PTPRG: variants seen among roughly 807,000 people sequenced by gnomAD.
PTPRG encodes the protein protein tyrosine phosphatase receptor type G.
Under a neutral mutation model 165.3 loss-of-function variants are expected in PTPRG, and 102 were observed. The ratio of observed to expected loss-of-function variants is 0.62; its 90% confidence interval spans 0.53 to 0.73. The LOEUF is 0.73. Among genes scored for constraint, PTPRG ranks in the 30% least tolerant of loss-of-function variants. The pLI, the probability that PTPRG is intolerant of heterozygous loss-of-function variation, is 0.00. For synonymous variants in PTPRG, 675 were observed against 669.5 expected, an observed-to-expected ratio of 1.01 and a Z score of -0.13; for missense variants, 1,866 against 1,861.4, an observed-to-expected ratio of 1.00 and a Z score of -0.05.
intron 2 of PTPRG, among the ~76,000 whole-genome samples, chr3:61,795,882 ATATCTTTGGGTGGATAGTGCATCAC>A (rs1411080091): frequency 6.6e-6 from 1 of 152,120 alleles, no homozygotes; most frequent in Non-Finnish European, 1.5e-5. Context: ...GAGTGTAATC[ATATCTTTGGGTGGATAGTGCATCAC>A]TACCTTTGCC....
chr3:62,029,261 C>G (rs1699684445), intron 4 of PTPRG, among the ~76,000 whole-genome samples: 1 of 152,074 alleles, frequency 6.6e-6, no homozygotes, highest in Non-Finnish European at 1.5e-5. Context: ...TCAAGGAGGA[C>G]TAACACAGGT....
intron 1 of PTPRG, among the ~76,000 whole-genome samples, chr3:61,574,260 T>C (rs1700127534): frequency 6.6e-6 from 1 of 152,150 alleles, no homozygotes; most frequent in African/African-American, 2.4e-5. Flanking sequence ...TTTGTGCAGG[T>C]TGGACTAGGA....
At chr3:61,929,877 C>T (rs1325988238) in intron 2 of PTPRG, among the ~76,000 whole-genome samples, 6 of 152,068 alleles carry the variant, frequency 3.9e-5, no homozygotes, top group Non-Finnish European at 5.9e-5. Context: ...TCATTTGTAC[C>T]ATATGCACAG....
intron 1 of PTPRG, among the ~76,000 whole-genome samples, chr3:61,591,811 A>G (rs560363900): frequency 6.6e-6 from 1 of 152,218 alleles, no homozygotes; most frequent in East Asian, 1.9e-4. Flanking sequence ...GAACTGGTAG[A>G]TAGATACGGT....
intron 1 of PTPRG, among the ~76,000 whole-genome samples, chr3:61,675,824 T>A (rs1448959786): frequency 6.6e-6 from 1 of 152,106 alleles, no homozygotes; most frequent in African/African-American, 2.4e-5. Flanking sequence ...CTTTCCTAAA[T>A]TTTTTTAAAG....
At chr3:62,062,365 A>G (rs775637467) in intron 4 of PTPRG, among the ~76,000 whole-genome samples, 18 of 152,172 alleles carry the variant, frequency 1.2e-4, no homozygotes, top group Non-Finnish European at 1.9e-4. Context: ...AAGCAGGTAC[A>G]TTTAAATGTT....
chr3:61,840,982 C>G (rs1330861263), intron 2 of PTPRG, among the ~76,000 whole-genome samples: 1 of 151,774 alleles, frequency 6.6e-6, no homozygotes, highest in Non-Finnish European at 1.5e-5. Context: ...GGGTTTCACC[C>G]TGTTGGCCAG....
intron 2 of PTPRG, among the ~76,000 whole-genome samples, chr3:61,839,583 G>A (rs2036562447): frequency 6.6e-6 from 1 of 152,094 alleles, no homozygotes; most frequent in Admixed American, 6.6e-5. Flanking sequence ...ATAGGAATTT[G>A]CTTTAAAATA....
rs1038956416 is a variant in PTPRG, at chr3:61,975,982, A to G, written c.191-13643A>G. Among the ~76,000 whole-genome samples the G allele has an allele frequency of 1.6e-4, 25 of 152,282 alleles. No individual in the cohort carries two copies. The East Asian group carries it at 4.2e-3, about 26-fold the overall frequency. ...CCCCACTGTCATGTGTTGGATTACA[A>G]AGGTGAAGTTCTATGTCCTACCCTT... On this transcript the variant is annotated intron_variant, in intron 2 of 29. Coordinates refer to ENST00000474889, the MANE Select transcript of PTPRG (RefSeq NM_002841.4).
chr3:61,926,675 A>G (rs1174664015), intron 2 of PTPRG, among the ~76,000 whole-genome samples: 1 of 148,366 alleles, frequency 6.7e-6, no homozygotes, highest in Non-Finnish European at 1.5e-5. Flanking sequence ...CAGTGCAAGA[A>G]CAGATTAATA....
chr3:62,061,749 C>T (rs1273060835), intron 4 of PTPRG, among the ~76,000 whole-genome samples: 1 of 151,022 alleles, frequency 6.6e-6, no homozygotes, highest in Non-Finnish European at 1.5e-5. Context: ...CTGCCTCAGC[C>T]TCCTGGGTAG....
In PTPRG at chr3:62,060,242, CT is replaced by C. The variant is rs565760234; in HGVS notation, c.520-17920del. Among the ~76,000 whole-genome samples the C allele has an allele frequency of 4.3e-3, 648 of 151,106 alleles. 3 individuals are homozygous for C. The highest frequency in any genetic ancestry group is 0.015 in the African/African-American group (625 of 41,144). ...AAAAAAAAAAAAAAAATCCTTCCTG[CT>C]GATTTCCTGTATCTTGATGAGAATG... On this transcript the variant is annotated intron_variant, in intron 4 of 29. Coordinates refer to ENST00000474889, the MANE Select transcript of PTPRG (RefSeq NM_002841.4).
At chr3:61,876,986 C>T (rs1575744673) in intron 2 of PTPRG, among the ~76,000 whole-genome samples, 2 of 148,410 alleles carry the variant, frequency 1.3e-5, no homozygotes, top group Admixed American at 6.7e-5. Flanking sequence ...CCCTTTATTC[C>T]TTTTTTTTTT....
At chr3:62,015,696 C>G (rs1199985414) in intron 4 of PTPRG, among the ~76,000 whole-genome samples, 2 of 151,970 alleles carry the variant, frequency 1.3e-5, no homozygotes, top group East Asian at 1.9e-4. Flanking sequence ...GTGGGGAAGA[C>G]CTGTGGGTGC....
chr3:61,845,440 C>T (rs762278134), intron 2 of PTPRG, among the ~76,000 whole-genome samples: 10 of 152,218 alleles, frequency 6.6e-5, no homozygotes, highest in Non-Finnish European at 1.3e-4. Context: ...AATGTTTCCA[C>T]TGGGAAGATG....
chr3:62,061,665 G>A (rs1034200576), intron 4 of PTPRG, among the ~76,000 whole-genome samples: 6 of 145,748 alleles, frequency 4.1e-5, no homozygotes, highest in African/African-American at 1.5e-4. Context: ...GTCTCGCTCT[G>A]TCGCCCAGGC....
rs2040202051 is a variant in PTPRG, at chr3:61,963,586, C to T, written c.191-26039C>T. Among the ~76,000 whole-genome samples the T allele has an allele frequency of 2.6e-5, 4 of 152,140 alleles. No homozygotes were observed. In the South Asian group the frequency reaches 8.3e-4, roughly 32 times the overall value. On this transcript the variant is annotated intron_variant, in intron 2 of 29. Transcript: ENST00000474889. ...GATACCAATGAAATACATATTAATC[C>T]ACATTAGAATTTAAAGACAGTATTT...
chr3:62,154,441 T>C lies in PTPRG; in HGVS notation c.683-2626T>C, dbSNP rs145026993. On this transcript the variant is annotated intron_variant, in intron 6 of 29. Transcript: ENST00000474889. Reference sequence around the variant, plus strand: ...GTTGGTCAAGAACAGAGATGCCCTTTTGAGTTTGCAGCAGGGGTCACACGC... The same window carrying C: ...GTTGGTCAAGAACAGAGATGCCCTTCTGAGTTTGCAGCAGGGGTCACACGC... 5.6e-3 allele frequency among the ~76,000 whole-genome samples: 847 copies of C among 152,270 alleles called. 10 individuals are homozygous for C. The highest frequency in any genetic ancestry group is 7.6e-3 in the Non-Finnish European group (519 of 68,018).
intron 5 of PTPRG, among the ~76,000 whole-genome samples, chr3:62,092,158 G>T (rs573403191): frequency 1.3e-5 from 2 of 148,512 alleles, no homozygotes; most frequent in African/African-American, 2.5e-5. Context: ...GACAAGGACC[G>T]GCCGGGTCCA....
Sources: allele counts gnomAD v4.1 joint callset (sites outside exome capture counted in the v4.1 genomes callset), GRCh38; gene constraint gnomAD v4.1.1; transcripts MANE v1.5; gene names NCBI Gene and HGNC (gene_info 2026-07-23, HGNC 2026-07-21).